Variants in CD2AP observed in about 807,000 individuals in gnomAD.
CD2AP encodes the protein CD2-associated protein.
Under a neutral mutation model 85.1 loss-of-function variants are expected in CD2AP, and 46 were observed. The observed-to-expected ratio is 0.54, with a 90% CI of 0.43 to 0.69. CD2AP has a LOEUF of 0.69. Among genes scored for constraint, CD2AP ranks in the 30% least tolerant of loss-of-function variants. The pLI is 0.00. For missense variants in CD2AP, 769 were observed against 729.5 expected (o/e 1.05, Z -0.62); for synonymous variants, 255 against 252.9 (o/e 1.01, Z -0.08).
chr6:47,573,985 A>T (rs2114095999), intron 5 of CD2AP, 79 bp from the exon 6 acceptor site: 1 of 1,221,278 alleles, frequency 8.2e-7, no homozygotes, highest in South Asian at 1.2e-5. Flanking sequence ...GAAGGCATAT[A>T]GAATGTAGAC....
At chr6:47,620,288 AT>A (rs1386679682) in intron 17 of CD2AP, among the ~76,000 whole-genome samples, 2 of 152,142 alleles carry the variant, frequency 1.3e-5, no homozygotes, top group Non-Finnish European at 2.9e-5. Flanking sequence ...CGGCTAGCCA[AT>A]TATCCCAGCA....
chr6:47,567,213 C>T (rs889411403), intron 5 of CD2AP, among the ~76,000 whole-genome samples: 8 of 151,902 alleles, frequency 5.3e-5, no homozygotes, highest in African/African-American at 1.9e-4. Flanking sequence ...GCTTATAGAA[C>T]TATCTTTTCA....
At chr6:47,513,896 G>T (rs943107765) in intron 2 of CD2AP, among the ~76,000 whole-genome samples, 1 of 148,716 alleles carries the variant, frequency 6.7e-6, no homozygotes, top group Middle Eastern at 3.5e-3. Flanking sequence ...TTTTTTTGGG[G>T]GGGGGGCTAG....
intron 4 of CD2AP, among the ~76,000 whole-genome samples, chr6:47,549,701 A>C (rs1017691791): frequency 1.3e-5 from 2 of 152,104 alleles, no homozygotes; most frequent in African/African-American, 4.8e-5. Context: ...ACAGAATTAG[A>C]AAAAACAATT....
chr6:47,606,131 C>A, intron 13 of CD2AP, 34 bp from the exon 14 acceptor site: 1 of 1,101,222 alleles, frequency 9.1e-7, no homozygotes, highest in Non-Finnish European at 1.4e-6. Flanking sequence ...AGGTACAGTT[C>A]TCTTAGTAAA....
intron 16 of CD2AP, chr6:47,609,524 AAAAAAAAG>A (rs1242393787): frequency 6.5e-5 from 25 of 382,364 alleles, no homozygotes; most frequent in African/African-American, 8.5e-5. Context: ...AAAAAAAAAA[AAAAAAAAG>A]AAAAGAAAAG....
intron 4 of CD2AP, among the ~76,000 whole-genome samples, chr6:47,549,914 C>A (rs952173695): frequency 3.4e-4 from 51 of 152,152 alleles, no homozygotes; most frequent in Non-Finnish European, 6.5e-4. Context: ...CAAATACTTA[C>A]AGCTAACTGA....
chr6:47,528,185 T>C (rs1288803765), intron 2 of CD2AP, among the ~76,000 whole-genome samples: 1 of 152,182 alleles, frequency 6.6e-6, no homozygotes, highest in Non-Finnish European at 1.5e-5. Flanking sequence ...CTACTTCTTT[T>C]GGGGGATGAG....
chr6:47,585,966 T>C (rs1768617589), intron 11 of CD2AP, among the ~76,000 whole-genome samples: 1 of 152,296 alleles, frequency 6.6e-6, no homozygotes. Context: ...CTTAAAAGCA[T>C]ATAATGAAAT....
At chr6:47,597,100 T>G (rs570620699) in intron 12 of CD2AP, among the ~76,000 whole-genome samples, 15 of 144,054 alleles carry the variant, frequency 1.0e-4, no homozygotes, top group African/African-American at 3.7e-4. Flanking sequence ...TGCTAAGCAC[T>G]ATTCTGTTGG....
intron 1 of CD2AP, among the ~76,000 whole-genome samples, chr6:47,497,841 TAC>T (rs1464525392): frequency 6.6e-6 from 1 of 152,240 alleles, no homozygotes; most frequent in Non-Finnish European, 1.5e-5. Flanking sequence ...CATACAGTTT[TAC>T]AGTTTGTGCC....
intron 17 of CD2AP, among the ~76,000 whole-genome samples, chr6:47,618,592 T>C (rs1468966406): frequency 6.6e-6 from 1 of 152,224 alleles, no homozygotes; most frequent in African/African-American, 2.4e-5. Context: ...GCATGTAATG[T>C]AGAAATTGAG....
intron 2 of CD2AP, among the ~76,000 whole-genome samples, chr6:47,505,179 T>G (rs1766107636): frequency 6.9e-6 from 1 of 144,126 alleles, no homozygotes; most frequent in Non-Finnish European, 1.5e-5. Context: ...CCTGCGGCCT[T>G]CCGCAGTGTT....
intron 2 of CD2AP, among the ~76,000 whole-genome samples, chr6:47,508,662 A>C (rs1218450348): frequency 6.8e-6 from 1 of 148,090 alleles, no homozygotes; most frequent in African/African-American, 2.5e-5. Context: ...TCTCCTGCCC[A>C]GTCTCCTGAG....
chr6:47,614,562 T>C (rs1221751324), intron 17 of CD2AP, among the ~76,000 whole-genome samples: 1 of 152,168 alleles, frequency 6.6e-6, no homozygotes, highest in Non-Finnish European at 1.5e-5. Flanking sequence ...AGATCACTGG[T>C]CACAAATCAC....
At chr6:47,588,793 G>T (rs997953082) in intron 11 of CD2AP, among the ~76,000 whole-genome samples, 2 of 152,020 alleles carry the variant, frequency 1.3e-5, no homozygotes, top group African/African-American at 4.8e-5. Flanking sequence ...CAATCAGGGC[G>T]ACATGATTTC....
chr6:47,512,113 G>A (rs1239752278), intron 2 of CD2AP, among the ~76,000 whole-genome samples: 12 of 151,958 alleles, frequency 7.9e-5, no homozygotes, highest in Admixed American at 2.0e-4. Flanking sequence ...AGCCGAGATC[G>A]CGCCACTGCA....
At chr6:47,510,856 C>T (rs1332991725) in intron 2 of CD2AP, among the ~76,000 whole-genome samples, 6 of 151,780 alleles carry the variant, frequency 4.0e-5, no homozygotes, top group Non-Finnish European at 5.9e-5. Flanking sequence ...GGGCAGATTA[C>T]GAGGTCAAGA....
chr6:47,619,543 CT>C (rs1176093555), intron 17 of CD2AP, among the ~76,000 whole-genome samples: 2 of 145,022 alleles, frequency 1.4e-5, no homozygotes, highest in Non-Finnish European at 3.1e-5. Context: ...GTGCAAGTAT[CT>C]TTTTCGAATA....
Sources: allele counts gnomAD v4.1 joint callset (sites outside exome capture counted in the v4.1 genomes callset), GRCh38; gene constraint gnomAD v4.1.1; transcripts MANE v1.5; gene names NCBI Gene and HGNC (gene_info 2026-07-23, HGNC 2026-07-21).